Variants in INHBC observed in about 807,000 individuals in gnomAD.
INHBC encodes inhibin subunit beta C.
Under a neutral mutation model 12.4 loss-of-function variants are expected in INHBC, and 10 were observed. The observed-to-expected ratio is 0.81, with a 90% CI of 0.50 to 1.37. INHBC has a LOEUF of 1.37. INHBC is among the 40% of genes most tolerant of loss of function. INHBC has a pLI of 0.00. For missense variants in INHBC, 382 were observed against 439.4 expected (o/e 0.87, Z 1.17); for synonymous variants, 147 against 171.6 (o/e 0.86, Z 1.12).
Position 57,450,275 on chromosome 12 carries a change from C to T in INHBC, c.*253C>T, listed in dbSNP as rs1870685025. On this transcript the variant is annotated 3_prime_UTR_variant, in exon 2 of 2. Coordinates refer to ENST00000309668, the MANE Select transcript of INHBC (RefSeq NM_005538.4). The stretch of plus-strand genomic sequence containing the variant: ...TCCCGCTAGTCCATCCCGCTAGCCC[C>T]ACTCCAGGGACTCAGACCCATCTCC... The T allele has an allele frequency of 2.8e-6, 1 of 353,644 alleles. No individual in the cohort carries two copies. The highest frequency in any genetic ancestry group is 5.1e-6 in the Non-Finnish European group (1 of 196,682). 21.9% of individuals were successfully genotyped at this position (353,644 alleles called of 1,614,324 possible). A position where few individuals can be genotyped will look rare whatever the true frequency, so the allele number is the denominator to read the frequency against.
intron 1 of INHBC, among the ~76,000 whole-genome samples, chr12:57,441,076 G>C (rs1434231558): frequency 6.6e-6 from 1 of 151,952 alleles, no homozygotes; most frequent in Non-Finnish European, 1.5e-5. Flanking sequence ...ACAAAAAGCC[G>C]GGTGCTGTGG....
At position 57,435,112 on chromosome 12, in the gene INHBC, C is replaced by T. The variant is rs753368215; in HGVS notation, c.226C>T (p.Leu76=). The T allele has an allele frequency of 1.9e-6, 3 of 1,614,202 alleles. No individual in the cohort carries two copies. Among genetic ancestry groups the T allele is most frequent in the Non-Finnish European group, 2.5e-6 (3 of 1,180,036 alleles). Residue 76 remains leucine, a synonymous_variant, in exon 1 of 2, where the codon CTG becomes TTG. Transcript: ENST00000309668. ...PVSRAALRTA[L]QHLHGVPQGA... ...GTCCAGAGCTGCTTTGAGGACTGCA[C>T]TGCAGCACCTCCACGGGGTCCCACA... is the stretch of plus-strand genomic sequence containing the variant.
chr12:57,440,247 CAT>C (rs1047796156), intron 1 of INHBC, among the ~76,000 whole-genome samples: 1 of 151,464 alleles, frequency 6.6e-6, no homozygotes, highest in Non-Finnish European at 1.5e-5. Flanking sequence ...AAATTAGCAA[CAT>C]AGAGTAAGCG....
At chr12:57,442,986 C>T (rs1263096039) in intron 1 of INHBC, among the ~76,000 whole-genome samples, 14 of 144,090 alleles carry the variant, frequency 9.7e-5, no homozygotes, top group East Asian at 4.4e-4. Flanking sequence ...AGTGAGACTC[C>T]GTCTCAAAAA....
chr12:57,441,313 CATT>C (rs1461900508), intron 1 of INHBC, among the ~76,000 whole-genome samples: 4 of 137,760 alleles, frequency 2.9e-5, no homozygotes, highest in Non-Finnish European at 3.0e-5. Context: ...GAGTTCGTGC[CATT>C]GCACTCCAGC....
At chr12:57,445,044 G>A (rs1339690406) in intron 1 of INHBC, among the ~76,000 whole-genome samples, 12 of 152,100 alleles carry the variant, frequency 7.9e-5, no homozygotes, top group Non-Finnish European at 1.5e-5. Flanking sequence ...AGACATCTGA[G>A]CCGAATGCCA....
chr12:57,449,712 A>G lies in INHBC; in HGVS notation c.749A>G (p.Gln250Arg). The G allele has an allele frequency of 6.2e-7, 1 of 1,614,216 alleles. No homozygotes were observed. The highest frequency in any genetic ancestry group is 2.2e-5 in the East Asian group (1 of 44,886). ...CQGGSRMCCR[Q>R]EFFVDFREIG... ...GGAGGGTCCAGGATGTGCTGTCGAC[A>G]AGAGTTTTTTGTGGACTTCCGTGAG... Residue 250 changes from glutamine (Q) to arginine (R), a missense_variant, in exon 2 of 2, where the codon CAA (glutamine) becomes CGA (arginine). Gln to Arg is a conservative substitution (Grantham distance 43). Coordinates refer to ENST00000309668, the MANE Select transcript of INHBC (RefSeq NM_005538.4).
intron 1 of INHBC, among the ~76,000 whole-genome samples, chr12:57,448,660 G>A (rs1870640620): frequency 2.0e-5 from 3 of 151,392 alleles, no homozygotes; most frequent in Admixed American, 2.0e-4. Flanking sequence ...GAAAGTCCAA[G>A]ACAGACCTTG....
intron 1 of INHBC, among the ~76,000 whole-genome samples, chr12:57,436,367 G>C (rs533818858): frequency 7.6e-4 from 114 of 149,608 alleles, no homozygotes; most frequent in African/African-American, 2.7e-3. Flanking sequence ...ATTTCACTAT[G>C]TTGGCCACGC....
intron 1 of INHBC, among the ~76,000 whole-genome samples, chr12:57,447,361 T>C (rs777582320): frequency 1.8e-4 from 28 of 151,480 alleles, no homozygotes; most frequent in Admixed American, 5.3e-4. Context: ...ATTTTTGTAT[T>C]TTTAGTAGAG....
At chr12:57,435,669 T>C (rs1870319673) in intron 1 of INHBC, among the ~76,000 whole-genome samples, 1 of 152,094 alleles carries the variant, frequency 6.6e-6, no homozygotes, top group Non-Finnish European at 1.5e-5. Flanking sequence ...CCATATGTCA[T>C]GTTCCCATAT....
intron 1 of INHBC, among the ~76,000 whole-genome samples, chr12:57,444,896 G>A (rs990533815): frequency 6.6e-6 from 1 of 151,758 alleles, no homozygotes; most frequent in Non-Finnish European, 1.5e-5. Flanking sequence ...TTGCCCAGTC[G>A]GTCTCAAACT....
intron 1 of INHBC, among the ~76,000 whole-genome samples, chr12:57,437,355 T>G (rs1870364969): frequency 6.6e-6 from 1 of 152,064 alleles, no homozygotes; most frequent in South Asian, 2.1e-4. Context: ...GATCAGGAAT[T>G]CTAAGCCAGG....
Position 57,441,579 on chromosome 12 carries a change from A to T in INHBC, c.313+6380A>T, listed in dbSNP as rs148791918. On this transcript the variant is annotated intron_variant, in intron 1 of 1. Transcript: ENST00000309668. ...ACATATTTTAGGTTTTTGTGATGGT[A>T]GCACCCCACTTCTGATACTAATTTT... 3.3e-3 allele frequency among the ~76,000 whole-genome samples: 496 copies of T among 151,648 alleles called. 5 individuals carry two copies. Among genetic ancestry groups the T allele is most frequent in the Non-Finnish European group, 5.2e-3 (356 of 67,904 alleles).
intron 1 of INHBC, among the ~76,000 whole-genome samples, chr12:57,436,184 TGAAA>T (rs1440958187): frequency 4.3e-5 from 6 of 139,764 alleles, no homozygotes; most frequent in African/African-American, 1.3e-4. Context: ...TTTTTTTTTT[TGAAA>T]GAGTCTCACT....
chr12:57,449,698 G>A lies in INHBC; in HGVS notation c.735G>A (p.Arg245=). The A allele has an allele frequency of 1.2e-6, 2 of 1,614,268 alleles. No individual in the cohort carries two copies. Among genetic ancestry groups the A allele is most frequent in the Non-Finnish European group, 1.7e-6 (2 of 1,180,050 alleles). The change falls in exon 2 of 2, where the codon AGG becomes AGA. Residue 245 remains arginine, a synonymous_variant. Transcript: ENST00000309668. The part of the protein sequence containing the change: ...RRGIDCQGGS[R]MCCRQEFFVD... ...GCATCGACTGCCAAGGAGGGTCCAG[G>A]ATGTGCTGTCGACAAGAGTTTTTTG...
chr12:57,449,307 A>G lies in INHBC; in HGVS notation c.344A>G (p.Asp115Gly). 1 of 1,613,974 alleles carries G rather than the reference A, an allele frequency of 6.2e-7. No homozygotes were observed. Among genetic ancestry groups the G allele is most frequent in the Non-Finnish European group, 8.5e-7 (1 of 1,179,928 alleles). The change falls in exon 2 of 2, where the codon GAT becomes GGT. Residue 115 changes from aspartate to glycine, a missense_variant. Physicochemically the swap from Asp to Gly is moderately conservative, Grantham distance 94 (BLOSUM62 -1). Coordinates refer to ENST00000309668, the MANE Select transcript of INHBC (RefSeq NM_005538.4). ...GLSTINQTRL[D>G]FHFSSDRTAG... ...TCCACCATCAACCAGACTCGTCTTG[A>G]TTTTCACTTCTCCTCTGATAGAACT...
chr12:57,451,719 C>A lies in INHBC; in HGVS notation c.*1697C>A. 2.6e-6 allele frequency: 1 copy of A among 384,930 alleles called. No individual in the cohort carries two copies. The allele number at this position is 384,930 out of a possible 1,614,324, so 23.8% of individuals were successfully genotyped here. On this transcript the variant is annotated 3_prime_UTR_variant, in exon 2 of 2. Coordinates refer to ENST00000309668, the MANE Select transcript of INHBC (RefSeq NM_005538.4). ...AAGGACTGCCTGGGGGACTGTAAAT[C>A]TGAGCTTGAGGGCTTCCTGAGCAAC...
chr12:57,448,675 A>G (rs1288744572), intron 1 of INHBC, among the ~76,000 whole-genome samples: 2 of 152,160 alleles, frequency 1.3e-5, no homozygotes, highest in Non-Finnish European at 2.9e-5. Context: ...ACCTTGGAAA[A>G]CTCTGATATT....
Sources: gnomAD v4.1 joint callset for allele counts (sites outside exome capture counted in the v4.1 genomes callset) on GRCh38, gnomAD v4.1.1 for gene constraint, MANE v1.5 for transcripts, NCBI Gene and HGNC (gene_info 2026-07-23, HGNC 2026-07-21) for gene names.